SNX29: variants seen among roughly 807,000 people sequenced by gnomAD.
SNX29 encodes the protein sorting nexin-29.
In SNX29, 78 loss-of-function variants were observed where a neutral mutation model predicts 102.1. That is an observed-to-expected ratio of 0.76 (90% confidence interval 0.64 to 0.92). The LOEUF (loss-of-function observed/expected upper bound fraction) is 0.92, where lower values mean the gene tolerates loss of function less well. Among genes scored for constraint, SNX29 ranks in the 40% least tolerant of loss-of-function variants. The pLI is 0.00. For missense variants in SNX29, 1,280 were observed against 1,061.7 expected (o/e 1.21, Z -2.86); for synonymous variants, 580 against 414.5 (o/e 1.40, Z -4.85).
At chr16:12,002,218 C>A (rs918300063) in intron 2 of SNX29, among the ~76,000 whole-genome samples, 1 of 152,026 alleles carries the variant, frequency 6.6e-6, no homozygotes, top group African/African-American at 2.4e-5. Context: ...GAGGCCAAGG[C>A]GGTCGGATCA....
chr16:12,442,681 C>G (rs1365274389), intron 18 of SNX29, among the ~76,000 whole-genome samples: 1 of 151,894 alleles, frequency 6.6e-6, no homozygotes, highest in East Asian at 1.9e-4. Context: ...GCTGCTACCA[C>G]CTGGACTCAA....
chr16:12,018,734 A>G (rs1166140117), intron 3 of SNX29, among the ~76,000 whole-genome samples: 1 of 146,888 alleles, frequency 6.8e-6, no homozygotes, highest in Non-Finnish European at 1.5e-5. Context: ...TATCTTTTAC[A>G]CTTTTTTTTG....
intron 18 of SNX29, among the ~76,000 whole-genome samples, chr16:12,415,909 C>G (rs1030450464): frequency 2.6e-5 from 4 of 152,140 alleles, no homozygotes; most frequent in African/African-American, 7.2e-5. Context: ...CTGGGGAGAT[C>G]ATCTTGTCGG....
chr16:12,397,494 A>G lies in SNX29; in HGVS notation c.1900-952A>G, dbSNP rs115718027. 5.2e-3 allele frequency among the ~76,000 whole-genome samples: 788 copies of G among 152,286 alleles called. 11 individuals are homozygous for G. The highest frequency in any genetic ancestry group is 0.018 in the African/African-American group (747 of 41,554). On this transcript the variant is annotated intron_variant, in intron 16 of 20. Transcript: ENST00000566228. Reference sequence around the variant, plus strand: ...TTGCTGGGGATTGTGGGGAGTGTGGAAACCCTGAGAGGTAAAAGGTGTAAA... The same window carrying G: ...TTGCTGGGGATTGTGGGGAGTGTGGGAACCCTGAGAGGTAAAAGGTGTAAA...
intron 13 of SNX29, among the ~76,000 whole-genome samples, chr16:12,196,655 T>A (rs1374189935): frequency 6.4e-5 from 9 of 140,366 alleles, no homozygotes; most frequent in African/African-American, 2.3e-4. Context: ...GGAGTCTCAC[T>A]CTGTTGCGAG....
Position 12,118,313 on chromosome 16 carries a change from C to CTTTTTTTTTTT in SNX29, c.1403-8307_1403-8297dup, listed in dbSNP as rs869186902. Among the ~76,000 whole-genome samples the CTTTTTTTTTTT allele has an allele frequency of 7.2e-3, 624 of 86,116 alleles. 94 individuals carry two copies. The highest frequency in any genetic ancestry group is 0.067 in the East Asian group (126 of 1,874). The allele number at this position is 86,116 out of a possible 152,430, so 56.5% of individuals were successfully genotyped here. On this transcript the variant is annotated intron_variant, in intron 11 of 20. Transcript: ENST00000566228. ...TGTAGATAGTAGATATACAGACCAC[C>CTTTTTTTTTTT]TTTTTTTTTTTTTTTTTTTTTTTAT... is the stretch of plus-strand genomic sequence containing the variant.
In SNX29 at chr16:12,529,566, C is replaced by T. The variant is rs1038088847; in HGVS notation, c.2318+4725C>T. 2.6e-5 allele frequency among the ~76,000 whole-genome samples: 4 copies of T among 152,218 alleles called. No homozygotes were observed. In the South Asian group the frequency reaches 8.3e-4, roughly 32 times the overall value. On this transcript the variant is annotated intron_variant, in intron 20 of 20. Coordinates refer to ENST00000566228, the MANE Select transcript of SNX29 (RefSeq NM_032167.5). Reference sequence around the variant, plus strand: ...GGAAATACATTATGTTCTCCTGCTCCTTGAGGAGAGAGAAAGTTAGGGGGC... The same window carrying T: ...GGAAATACATTATGTTCTCCTGCTCTTTGAGGAGAGAGAAAGTTAGGGGGC...
intron 15 of SNX29, among the ~76,000 whole-genome samples, chr16:12,354,128 C>G (rs1028128315): frequency 6.6e-6 from 1 of 152,136 alleles, no homozygotes; most frequent in African/African-American, 2.4e-5. Context: ...TCTAGTTATA[C>G]TGGAGTTTGG....
chr16:12,302,837 C>T (rs552758553), intron 15 of SNX29, among the ~76,000 whole-genome samples: 231 of 152,314 alleles, frequency 1.5e-3, no homozygotes, highest in African/African-American at 5.4e-3. Context: ...GACATCTCAT[C>T]AGTGCACATT....
chr16:12,262,326 A>C (rs569046612), intron 14 of SNX29, among the ~76,000 whole-genome samples: 39 of 152,230 alleles, frequency 2.6e-4, no homozygotes, highest in Non-Finnish European at 5.4e-4. Flanking sequence ...GTTCAGGGTC[A>C]CAGAACACTC....
chr16:12,141,142 CAG>C (rs1258620006), intron 13 of SNX29, among the ~76,000 whole-genome samples: 1 of 152,156 alleles, frequency 6.6e-6, no homozygotes, highest in Non-Finnish European at 1.5e-5. Context: ...AGAAAAAGAG[CAG>C]AGAGTGGGTG....
chr16:12,356,278 C>A lies in SNX29; in HGVS notation c.1898C>A (p.Pro633Gln). ...MRQELIDLRG[P>Q]VPGDLSQTSE... ...CAGGAGCTCATCGATCTCCGGGGAC[C>A]GGTGAGTGTTTCCCCAACCCTGTGT... Residue 633 changes from proline (P) to glutamine (Q), a missense_variant and splice_region_variant, in exon 16 of 21, where the codon CCG becomes CAG. Transcript: ENST00000566228. 6.3e-7 allele frequency: 1 copy of A among 1,596,850 alleles called. No individual in the cohort carries two copies. The highest frequency in any genetic ancestry group is 1.3e-5 in the African/African-American group (1 of 74,718).
chr16:12,537,437 C>T (rs1567670384), intron 20 of SNX29, among the ~76,000 whole-genome samples: 1 of 152,178 alleles, frequency 6.6e-6, no homozygotes, highest in African/African-American at 2.4e-5. Flanking sequence ...TACATAGCAG[C>T]CTTGTGAACT....
rs142548450 is a variant in SNX29, at chr16:11,997,638, C to T, written c.8-1659C>T. ...GACCACAGGTGTGTGCCACCACGCC[C>T]GGCTAATTTTTTGTGTTTTTGGTAG... On this transcript the variant is annotated intron_variant, in intron 1 of 20. Transcript: ENST00000566228. 4.7e-3 allele frequency among the ~76,000 whole-genome samples: 717 copies of T among 152,100 alleles called. 8 individuals are homozygous for T. The highest frequency in any genetic ancestry group is 0.018 in the South Asian group (89 of 4,816).
intron 20 of SNX29, among the ~76,000 whole-genome samples, chr16:12,542,959 A>C (rs891903547): frequency 1.3e-5 from 2 of 152,144 alleles, no homozygotes; most frequent in African/African-American, 2.4e-5. Flanking sequence ...CTTGAAGCAG[A>C]AAAGAAGTAC....
At chr16:12,503,103 C>A (rs911973353) in intron 19 of SNX29, among the ~76,000 whole-genome samples, 2 of 152,108 alleles carry the variant, frequency 1.3e-5, no homozygotes, top group African/African-American at 4.8e-5. Flanking sequence ...CCCTCCCATC[C>A]ACCACCCCCA....
chr16:12,347,533 C>T (rs780277605), intron 15 of SNX29, among the ~76,000 whole-genome samples: 1 of 152,066 alleles, frequency 6.6e-6, no homozygotes, highest in African/African-American at 2.4e-5. Context: ...TTGGGACATT[C>T]GAGTCACCCT....
At chr16:12,535,857 C>G (rs1403267301) in intron 20 of SNX29, among the ~76,000 whole-genome samples, 1 of 152,076 alleles carries the variant, frequency 6.6e-6, no homozygotes, top group Non-Finnish European at 1.5e-5. Context: ...CCATGGGAGC[C>G]CTATTGGTGC....
chr16:12,156,749 A>G (rs997832823), intron 13 of SNX29, among the ~76,000 whole-genome samples: 9 of 152,190 alleles, frequency 5.9e-5, no homozygotes, highest in African/African-American at 1.7e-4. Flanking sequence ...AAATGAATGA[A>G]TTGATTCTCA....
Sources: gnomAD v4.1 joint callset for allele counts (sites outside exome capture counted in the v4.1 genomes callset) on GRCh38, gnomAD v4.1.1 for gene constraint, MANE v1.5 for transcripts, NCBI Gene and HGNC (gene_info 2026-07-23, HGNC 2026-07-21) for gene names.